Variants in KIAA0513 observed in about 807,000 individuals in gnomAD.
The protein encoded by KIAA0513 is uncharacterized protein KIAA0513.
A neutral mutation model predicts 56.5 loss-of-function variants in KIAA0513; 39 were observed. That is an observed-to-expected ratio of 0.69 (90% CI 0.53 to 0.90). KIAA0513 has a LOEUF of 0.90. Ranked by LOEUF, KIAA0513 falls within the 40% of genes least tolerant of loss-of-function variation. The probability of loss-of-function intolerance (pLI) is 0.00; values close to 1 mark genes in which losing one functional copy is unlikely to be tolerated. For missense variants in KIAA0513, 591 were observed against 535.2 expected (o/e 1.10, Z -1.03); for synonymous variants, 268 against 215.6 (o/e 1.24, Z -2.13).
intron 1 of KIAA0513, among the ~76,000 whole-genome samples, chr16:85,060,650 G>A (rs2073390963): frequency 6.6e-6 from 1 of 151,974 alleles, no homozygotes; most frequent in Non-Finnish European, 1.5e-5. Context: ...ACAAATCTGG[G>A]CAACATAGTG....
chr16:85,036,598 G>A (rs1299057554), intron 1 of KIAA0513, among the ~76,000 whole-genome samples: 1 of 152,144 alleles, frequency 6.6e-6, no homozygotes, highest in Non-Finnish European at 1.5e-5. Flanking sequence ...CTTGCAGATG[G>A]AGCCTTTGAT....
At chr16:85,033,643 C>T (rs760456633) in intron 1 of KIAA0513, among the ~76,000 whole-genome samples, 3 of 151,102 alleles carry the variant, frequency 2.0e-5, no homozygotes, top group Non-Finnish European at 4.4e-5. Context: ...CATAGAGCAA[C>T]TTTTCTCCCT....
intron 1 of KIAA0513, among the ~76,000 whole-genome samples, chr16:85,054,393 CTG>C (rs2073297981): frequency 6.8e-6 from 1 of 147,718 alleles, no homozygotes; most frequent in African/African-American, 2.5e-5. Flanking sequence ...CCATTGAAAT[CTG>C]TGTTTCTTTT....
At chr16:85,046,697 C>A (rs1056648563) in intron 1 of KIAA0513, among the ~76,000 whole-genome samples, 1 of 152,164 alleles carries the variant, frequency 6.6e-6, no homozygotes, top group African/African-American at 2.4e-5. Flanking sequence ...CTGCCTCTTT[C>A]CTTTGTCATC....
At chr16:85,086,947 T>C in intron 11 of KIAA0513, 125 bp from the exon 12 acceptor site, 3 of 937,672 alleles carry the variant, frequency 3.2e-6, no homozygotes, top group South Asian at 3.1e-5. Context: ...TAGGCAGCAG[T>C]GCGTTTTAGT....
intron 1 of KIAA0513, among the ~76,000 whole-genome samples, chr16:85,030,701 G>T (rs1469299269): frequency 6.6e-6 from 1 of 150,664 alleles, no homozygotes; most frequent in African/African-American, 2.5e-5. Context: ...CCTAGATCGC[G>T]CCACTGCACT....
rs976437356 is a variant in KIAA0513 at position 85,065,157 on chromosome 16, G to A, written c.-172-1743G>A. ...TGTGTGGTTTTTCATTTTTAATGCC[G>A]GGCATGTTACTGTGTGTGTGGTTTT... On this transcript the variant is annotated intron_variant, in intron 1 of 12. Coordinates refer to ENST00000683363, the MANE Select transcript of KIAA0513 (RefSeq NM_001388359.1). Among the ~76,000 whole-genome samples, 4 of 152,098 alleles carry A rather than the reference G, an allele frequency of 2.6e-5. 1 individual carries two copies. The highest frequency in any genetic ancestry group is 9.7e-5 in the African/African-American group (4 of 41,400).
At chr16:85,084,043 T>C (rs887662253) in intron 10 of KIAA0513, among the ~76,000 whole-genome samples, 5 of 148,272 alleles carry the variant, frequency 3.4e-5, no homozygotes, top group African/African-American at 7.5e-5. Flanking sequence ...GTACTGGAAA[T>C]TGAACTCTTC....
rs938591911 is a variant in KIAA0513 at position 85,081,674 on chromosome 16, G to A, written c.980+282G>A. Reference sequence around the variant, plus strand: ...TCCCACTAAGACCATCAGGACCCCTGCTGCTGGGCCCACCCTGCTGTTTGC... The same window carrying A: ...TCCCACTAAGACCATCAGGACCCCTACTGCTGGGCCCACCCTGCTGTTTGC... On this transcript the variant is annotated intron_variant, in intron 9 of 12. Coordinates refer to ENST00000683363, the MANE Select transcript of KIAA0513 (RefSeq NM_001388359.1). The surrounding 1 kb of genome is among the most constrained non-coding windows in gnomAD (Gnocchi z 4.4). 6.4e-4 allele frequency among the ~76,000 whole-genome samples: 98 copies of A among 152,292 alleles called. No individual in the cohort carries two copies. Among genetic ancestry groups the A allele is most frequent in the African/African-American group, 2.1e-3 (86 of 41,566 alleles).
intron 1 of KIAA0513, among the ~76,000 whole-genome samples, chr16:85,051,436 C>G (rs2073250712): frequency 1.3e-5 from 2 of 152,186 alleles, no homozygotes; most frequent in African/African-American, 4.8e-5. Flanking sequence ...GCAAGAAACC[C>G]TAGAGGTTCA....
intron 2 of KIAA0513, among the ~76,000 whole-genome samples, chr16:85,068,393 C>G (rs372211135): frequency 6.7e-6 from 1 of 148,728 alleles, no homozygotes; most frequent in East Asian, 2.0e-4. Context: ...AATGCAGTGG[C>G]GTGATCTTGG....
intron 1 of KIAA0513, among the ~76,000 whole-genome samples, chr16:85,048,660 C>T (rs138427323): frequency 3.3e-4 from 51 of 152,320 alleles, no homozygotes; most frequent in African/African-American, 1.1e-3. Flanking sequence ...GGGAGAGTTG[C>T]CTGAGCCCTG....
At chr16:85,056,628 G>A (rs968080537) in intron 1 of KIAA0513, among the ~76,000 whole-genome samples, 2 of 152,098 alleles carry the variant, frequency 1.3e-5, no homozygotes, top group Admixed American at 1.3e-4. Context: ...CCTCCGGGCC[G>A]CGCTCGCCGA....
intron 1 of KIAA0513, among the ~76,000 whole-genome samples, chr16:85,064,533 A>AT (rs2073451480): frequency 6.6e-6 from 1 of 152,204 alleles, no homozygotes. Flanking sequence ...GTGTTTGAGA[A>AT]TGTTAATTTT....
At chr16:85,032,787 C>G (rs921849851) in intron 1 of KIAA0513, among the ~76,000 whole-genome samples, 3 of 152,164 alleles carry the variant, frequency 2.0e-5, no homozygotes, top group African/African-American at 7.2e-5. Context: ...CCTGCCACCA[C>G]TCCCGGCTAA....
Position 85,068,050 on chromosome 16 carries a change from A to G in KIAA0513, c.329+650A>G, listed in dbSNP as rs1437541090. Among the ~76,000 whole-genome samples the G allele has an allele frequency of 7.2e-5, 11 of 151,814 alleles. 1 individual carries two copies. In the East Asian group the frequency reaches 2.1e-3, roughly 30 times the overall value. On this transcript the variant is annotated intron_variant, in intron 2 of 12. Transcript: ENST00000683363. ...GGTCTCGAACTCCTGACCTCATGTGATCCACCCGCCTCAGCCTCCCAAAGT... is the reference window on the plus strand; with the variant it reads ...GGTCTCGAACTCCTGACCTCATGTGGTCCACCCGCCTCAGCCTCCCAAAGT...
chr16:85,071,891 G>A lies in KIAA0513; in HGVS notation c.429+9G>A, dbSNP rs774312875. 11 of 1,545,980 alleles carry A rather than the reference G, an allele frequency of 7.1e-6. No individual in the cohort carries two copies. Among genetic ancestry groups the A allele is most frequent in the African/African-American group, 4.1e-5 (3 of 73,158 alleles). On this transcript the variant is annotated intron_variant, in intron 3 of 12. Transcript: ENST00000683363. ...GATACGTGAGTGCCCAGGTAAGGGCGAGGTGATGGGAAGGATGGGCGTTTA... is the reference window on the plus strand; with the variant it reads ...GATACGTGAGTGCCCAGGTAAGGGCAAGGTGATGGGAAGGATGGGCGTTTA...
intron 1 of KIAA0513, among the ~76,000 whole-genome samples, chr16:85,035,004 C>T (rs558882242): frequency 6.6e-6 from 1 of 152,348 alleles, no homozygotes; most frequent in Non-Finnish European, 1.5e-5. Context: ...CCCTAAGCCC[C>T]ACCCCACACC....
intron 1 of KIAA0513, among the ~76,000 whole-genome samples, chr16:85,053,474 A>T (rs2073283399): frequency 6.6e-6 from 1 of 152,162 alleles, no homozygotes; most frequent in South Asian, 2.1e-4. Context: ...TGAATAATTA[A>T]TAGGGTGTAA....
Sources: gnomAD v4.1 joint callset for allele counts (sites outside exome capture counted in the v4.1 genomes callset) on GRCh38, gnomAD v4.1.1 for gene constraint, Gnocchi (gnomAD v3.1) non-coding constraint, MANE v1.5 for transcripts, NCBI Gene and HGNC (gene_info 2026-07-23, HGNC 2026-07-21) for gene names.